The following ARB2A variants were observed in gnomAD, a reference collection of about 807,000 sequenced individuals.
ARB2A encodes the protein cotranscriptional regulator ARB2A.
the ARB2A span, chr5:93,776,197 A>G: frequency 1.9e-6 from 3 of 1,612,310 alleles, no homozygotes; most frequent in South Asian, 1.1e-5. Flanking sequence ...CATGGACTCC[A>G]CTGATGTGTC....
At chr5:93,627,182 T>C in the ARB2A span, among the ~76,000 whole-genome samples, 1 of 152,222 alleles carries the variant, frequency 6.6e-6, no homozygotes, top group African/African-American at 2.4e-5. Context: ...TCTGGTTCTT[T>C]TGCTATTTCT....
At chr5:93,844,772 AGTT>A in the ARB2A span, among the ~76,000 whole-genome samples, 2 of 152,180 alleles carry the variant, frequency 1.3e-5, no homozygotes, top group Non-Finnish European at 2.9e-5. Flanking sequence ...ATATGCTGAG[AGTT>A]GTTATCACCA....
At chr5:93,747,099 T>A in the ARB2A span, among the ~76,000 whole-genome samples, 1 of 152,004 alleles carries the variant, frequency 6.6e-6, no homozygotes, top group Non-Finnish European at 1.5e-5. Flanking sequence ...TAACGAAAAA[T>A]TTTTCATTGC....
chr5:93,679,975 C>CA, the ARB2A span, among the ~76,000 whole-genome samples: 7 of 151,520 alleles, frequency 4.6e-5, no homozygotes, highest in East Asian at 5.8e-4. Flanking sequence ...CTTGAAATGT[C>CA]AAAAAAAATC....
the ARB2A span, among the ~76,000 whole-genome samples, chr5:94,067,300 T>G: frequency 9.7e-4 from 147 of 152,324 alleles, no homozygotes; most frequent in African/African-American, 3.4e-3. Context: ...ATGCCCACTT[T>G]CACTACTCCT....
the ARB2A span, among the ~76,000 whole-genome samples, chr5:93,980,765 T>G: frequency 6.6e-6 from 1 of 152,168 alleles, no homozygotes; most frequent in African/African-American, 2.4e-5. Context: ...TTTTGATTTA[T>G]ATACATTTCA....
At chr5:94,000,660 G>T in the ARB2A span, among the ~76,000 whole-genome samples, 1 of 151,834 alleles carries the variant, frequency 6.6e-6, no homozygotes, top group East Asian at 1.9e-4. Context: ...TTTTAATAAG[G>T]TCCAGCTTGT....
chr5:94,018,855 A>T, the ARB2A span, among the ~76,000 whole-genome samples: 1 of 152,100 alleles, frequency 6.6e-6, no homozygotes, highest in African/African-American at 2.4e-5. Flanking sequence ...TATAGCCAAG[A>T]CAATCCTAAG....
At chr5:93,775,987 A>G in the ARB2A span, among the ~76,000 whole-genome samples, 1 of 152,234 alleles carries the variant, frequency 6.6e-6, no homozygotes, top group Non-Finnish European at 1.5e-5. Flanking sequence ...ATTTTAAGCT[A>G]CTTAACAAAT....
the ARB2A span, among the ~76,000 whole-genome samples, chr5:93,910,078 T>C: frequency 6.6e-6 from 1 of 151,046 alleles, no homozygotes; most frequent in Non-Finnish European, 1.5e-5. Flanking sequence ...TATTCTATAC[T>C]AGCCATATAT....
chr5:93,925,443 A>G, the ARB2A span, among the ~76,000 whole-genome samples: 1 of 152,198 alleles, frequency 6.6e-6, no homozygotes, highest in Non-Finnish European at 1.5e-5. Context: ...TTATTTGCCC[A>G]GTATTAGTGT....
chr5:93,787,421 T>G, the ARB2A span, among the ~76,000 whole-genome samples: 1 of 152,234 alleles, frequency 6.6e-6, no homozygotes, highest in African/African-American at 2.4e-5. Flanking sequence ...ATATTGCTTT[T>G]GTCTGTGTAT....
the ARB2A span, among the ~76,000 whole-genome samples, chr5:93,942,537 A>T: frequency 6.6e-6 from 1 of 151,986 alleles, no homozygotes; most frequent in South Asian, 2.1e-4. Context: ...AAGGGAAAAA[A>T]AAACCCAATA....
At chr5:93,863,249 G>A in the ARB2A span, 1 of 152,008 alleles carries the variant, frequency 6.6e-6, no homozygotes, top group African/African-American at 2.4e-5. Context: ...ATAGCTGGTT[G>A]GATTTGATGG....
At chr5:93,704,142 A>AT in the ARB2A span, among the ~76,000 whole-genome samples, 2 of 152,218 alleles carry the variant, frequency 1.3e-5, no homozygotes, top group Admixed American at 6.5e-5. Flanking sequence ...GATCAACAAA[A>AT]TATTAAAGAT....
At chr5:93,859,915 C>T in the ARB2A span, among the ~76,000 whole-genome samples, 1 of 152,184 alleles carries the variant, frequency 6.6e-6, no homozygotes, top group Non-Finnish European at 1.5e-5. Flanking sequence ...CCCAGTAAAG[C>T]TGACCCAACA....
the ARB2A span, among the ~76,000 whole-genome samples, chr5:93,714,029 C>T: frequency 1.1e-3 from 167 of 152,252 alleles, 1 homozygote; most frequent in African/African-American, 3.6e-3. Flanking sequence ...TTAGTAGTTC[C>T]CTGCAACTAT....
the ARB2A span, among the ~76,000 whole-genome samples, chr5:94,016,828 G>T: frequency 1.3e-5 from 2 of 152,196 alleles, no homozygotes; most frequent in African/African-American, 4.8e-5. Flanking sequence ...AAGTCAGGTA[G>T]GGATTGGGGG....
the ARB2A span, among the ~76,000 whole-genome samples, chr5:93,630,984 C>T: frequency 1.3e-5 from 2 of 152,152 alleles, no homozygotes; most frequent in South Asian, 2.1e-4. Flanking sequence ...CCTTGACCTC[C>T]GAGGTCCAAG....
Sources: gnomAD v4.1 joint callset for allele counts (sites outside exome capture counted in the v4.1 genomes callset) on GRCh38, gnomAD v4.1.1 for gene constraint, MANE v1.5 for transcripts, NCBI Gene and HGNC (gene_info 2026-07-23, HGNC 2026-07-21) for gene names.